Variants in GLDC observed in about 807,000 individuals in gnomAD.
GLDC encodes the protein glycine dehydrogenase (decarboxylating), mitochondrial.
A neutral mutation model predicts 121.3 loss-of-function variants in GLDC; 104 were observed. The observed-to-expected ratio is 0.86, with a 90% CI of 0.73 to 1.01. The LOEUF (loss-of-function observed/expected upper bound fraction) is 1.01, where lower values mean the gene tolerates loss of function less well. Among genes scored for constraint, GLDC ranks in the 50% least tolerant of loss-of-function variants. The pLI is 0.00. For missense variants in GLDC, 1,429 were observed against 1,306.6 expected (o/e 1.09, Z -1.44); for synonymous variants, 546 against 480.6 (o/e 1.14, Z -1.78).
At chr9:6,546,748 G>A (rs1031958168) in intron 21 of GLDC, among the ~76,000 whole-genome samples, 1 of 151,834 alleles carries the variant, frequency 6.6e-6, no homozygotes, top group Non-Finnish European at 1.5e-5. Flanking sequence ...GATCACCTGA[G>A]GTCAGGAGTT....
At chr9:6,559,128 C>T (rs1817693616) in intron 16 of GLDC, among the ~76,000 whole-genome samples, 1 of 152,150 alleles carries the variant, frequency 6.6e-6, no homozygotes, top group East Asian at 1.9e-4. Flanking sequence ...CAAGGCCTCC[C>T]AGTACCAATA....
chr9:6,627,616 C>G (rs989626030), intron 2 of GLDC, among the ~76,000 whole-genome samples: 1 of 152,078 alleles, frequency 6.6e-6, no homozygotes, highest in African/African-American at 2.4e-5. Context: ...TGGACATTTT[C>G]GAGCCATTAA....
intron 22 of GLDC, among the ~76,000 whole-genome samples, chr9:6,537,930 T>C (rs1470043998): frequency 1.3e-5 from 2 of 152,230 alleles, no homozygotes; most frequent in African/African-American, 4.8e-5. Flanking sequence ...CATTTCAAAG[T>C]ACACTGCAGT....
chr9:6,564,472 C>T (rs1341116024), intron 16 of GLDC, among the ~76,000 whole-genome samples: 2 of 152,168 alleles, frequency 1.3e-5, no homozygotes, highest in Admixed American at 6.5e-5. Flanking sequence ...GGACTAAGAT[C>T]GGGCCACTAC....
chr9:6,644,266 G>T (rs546344923), intron 2 of GLDC, among the ~76,000 whole-genome samples: 24 of 151,980 alleles, frequency 1.6e-4, no homozygotes, highest in Non-Finnish European at 2.9e-4. Context: ...ATCCGGGTCT[G>T]CGCAGGTAAT....
intron 15 of GLDC, among the ~76,000 whole-genome samples, chr9:6,586,210 T>C (rs1382741165): frequency 6.6e-6 from 1 of 151,858 alleles, no homozygotes; most frequent in African/African-American, 2.4e-5. Context: ...CAGGAGAATC[T>C]CTTGAATGCA....
intron 22 of GLDC, among the ~76,000 whole-genome samples, chr9:6,536,889 A>G (rs1817139241): frequency 6.6e-6 from 1 of 152,254 alleles, no homozygotes; most frequent in Admixed American, 6.5e-5. Flanking sequence ...TTGCCTTTAC[A>G]TTGAACACAG....
chr9:6,556,334 G>C (rs750156898), intron 17 of GLDC, 32 bp from the exon 18 acceptor site: 67 of 1,591,656 alleles, frequency 4.2e-5, no homozygotes, highest in Middle Eastern at 1.7e-4. Flanking sequence ...GAAGGACATG[G>C]AGGGAGGATA....
At chr9:6,615,030 C>T (rs1166955131) in intron 3 of GLDC, among the ~76,000 whole-genome samples, 1 of 152,180 alleles carries the variant, frequency 6.6e-6, no homozygotes, top group Non-Finnish European at 1.5e-5. Flanking sequence ...CAAAATATCA[C>T]TACGCAGGGC....
chr9:6,611,456 T>G (rs1033479125), intron 3 of GLDC, among the ~76,000 whole-genome samples: 1 of 151,780 alleles, frequency 6.6e-6, no homozygotes, highest in Non-Finnish European at 1.5e-5. Flanking sequence ...CTCAGGAGGC[T>G]GAGGCAGGAG....
chr9:6,640,765 G>A (rs946722273), intron 2 of GLDC, among the ~76,000 whole-genome samples: 4 of 152,214 alleles, frequency 2.6e-5, no homozygotes, highest in African/African-American at 9.6e-5. Flanking sequence ...AGACTACACA[G>A]CGAGGCATAC....
chr9:6,635,924 T>G (rs1182132784), intron 2 of GLDC, among the ~76,000 whole-genome samples: 1 of 151,704 alleles, frequency 6.6e-6, no homozygotes, highest in Non-Finnish European at 1.5e-5. Context: ...AAAATAAAAA[T>G]GATAATAATG....
intron 16 of GLDC, among the ~76,000 whole-genome samples, chr9:6,560,568 T>C (rs1198311698): frequency 6.6e-6 from 1 of 152,210 alleles, no homozygotes; most frequent in East Asian, 1.9e-4. Context: ...ATTGCTAGTC[T>C]ACAAAAGGAT....
At position 6,533,126 on chromosome 9, in the gene GLDC, G is replaced by A. The variant is rs369837674; in HGVS notation, c.2954C>T (p.Thr985Met). The A allele has an allele frequency of 2.2e-5, 36 of 1,612,692 alleles. No individual in the cohort carries two copies. In the African/African-American group the frequency reaches 4.0e-4, roughly 18 times the overall value. ...ATATATGTCATCAATCCGGGCAATC[G>A]TTGGCCAGAATTTGTTCTCTGGTTT... Reference protein sequence around the residue: ...FVKPENKFWPTIARIDDIYGD... With the variant: ...FVKPENKFWPMIARIDDIYGD... Residue 985 changes from threonine (T) to methionine (M), a missense_variant, in exon 25 of 25, where the codon ACG (threonine) becomes ATG (methionine). Thr to Met is a moderately conservative substitution (Grantham distance 81, BLOSUM62 -1). Coordinates refer to ENST00000321612, the MANE Select transcript of GLDC (RefSeq NM_000170.3).
Position 6,605,077 on chromosome 9 carries a change from A to C in GLDC, c.861+54T>G, listed in dbSNP as rs528253613. 4.4e-4 allele frequency: 650 copies of C among 1,470,410 alleles called. 6 individuals carry two copies. The highest frequency in any genetic ancestry group is 4.1e-3 in the South Asian group (359 of 88,038). The allele number at this position is 1,470,410 out of a possible 1,614,324, so 91.1% of individuals were successfully genotyped here. A position where few individuals can be genotyped will look rare whatever the true frequency, so the allele number is the denominator to read the frequency against. The stretch of plus-strand genomic sequence containing the variant: ...AAGACAGAGAGAGAGATAGGTAGAC[A>C]GATACAAGTTGGGATACGCCTCCAC... On this transcript the variant is annotated intron_variant, in intron 6 of 24. Transcript: ENST00000321612.
chr9:6,642,552 A>C (rs1252779742), intron 2 of GLDC, among the ~76,000 whole-genome samples: 1 of 152,128 alleles, frequency 6.6e-6, no homozygotes, highest in East Asian at 1.9e-4. Context: ...TAAAAAATAA[A>C]AAAATTAAGT....
chr9:6,543,101 A>G (rs552663817), intron 21 of GLDC, among the ~76,000 whole-genome samples: 32 of 151,844 alleles, frequency 2.1e-4, no homozygotes, highest in Non-Finnish European at 2.8e-4. Flanking sequence ...ACAAAGCAAG[A>G]CCCTATCCTA....
At chr9:6,619,918 C>T (rs964733374) in intron 3 of GLDC, among the ~76,000 whole-genome samples, 1 of 152,186 alleles carries the variant, frequency 6.6e-6, no homozygotes, top group African/African-American at 2.4e-5. Context: ...AATTAAGCTG[C>T]AGAAGAGGAA....
At chr9:6,558,237 T>G (rs1224472502) in intron 17 of GLDC, 1 of 579,394 alleles carries the variant, frequency 1.7e-6, no homozygotes, top group Admixed American at 3.0e-5. Flanking sequence ...GATGTGTAAG[T>G]GTGACTGCCA....
Sources: gnomAD v4.1 joint callset for allele counts (sites outside exome capture counted in the v4.1 genomes callset) on GRCh38, gnomAD v4.1.1 for gene constraint, MANE v1.5 for transcripts, NCBI Gene and HGNC (gene_info 2026-07-23, HGNC 2026-07-21) for gene names.